Variants in GOLGA1 observed in about 807,000 individuals in gnomAD.
GOLGA1 encodes the protein golgin subfamily A member 1.
Under a neutral mutation model 119.7 loss-of-function variants are expected in GOLGA1, and 63 were observed. The observed-to-expected ratio is 0.53, with a 90% confidence interval of 0.43 to 0.65. The LOEUF (loss-of-function observed/expected upper bound fraction) is 0.65, where lower values mean the gene tolerates loss of function less well. GOLGA1 is among the 30% of genes least tolerant of loss of function. The pLI is 0.00. For missense variants in GOLGA1, 798 were observed against 912.8 expected (o/e 0.87, Z 1.62); for synonymous variants, 318 against 333.4 (o/e 0.95, Z 0.50).
At chr9:124,925,399 T>C (rs1196161197) in intron 7 of GOLGA1, among the ~76,000 whole-genome samples, 2 of 151,536 alleles carry the variant, frequency 1.3e-5, no homozygotes, top group Non-Finnish European at 2.9e-5. Flanking sequence ...CCTTGGGACT[T>C]GACTTTTCTA....
chr9:124,889,831 G>C (rs1408448569), intron 16 of GOLGA1, among the ~76,000 whole-genome samples: 1 of 152,188 alleles, frequency 6.6e-6, no homozygotes, highest in Non-Finnish European at 1.5e-5. Context: ...CATTTCCTGA[G>C]TGCCTGCAAC....
At chr9:124,899,863 T>G (rs1223285785) in intron 13 of GOLGA1, among the ~76,000 whole-genome samples, 1 of 152,204 alleles carries the variant, frequency 6.6e-6, no homozygotes, top group Non-Finnish European at 1.5e-5. Flanking sequence ...GAGAAAGATG[T>G]GGATTCTGCC....
chr9:124,889,603 C>T (rs1261438650), intron 16 of GOLGA1, 67 bp from the exon 17 acceptor site: 1 of 1,020,148 alleles, frequency 9.8e-7, no homozygotes, highest in Non-Finnish European at 1.6e-6. Context: ...CAGAAATCTC[C>T]ACTTCCCCGC....
rs752554273 is a variant in GOLGA1 at position 124,899,364 on chromosome 9, G to A, written c.1276C>T (p.Arg426Trp). Reference protein sequence around the residue: ...EAQIVALERTRAADQTTAEQG... With the variant: ...EAQIVALERTWAADQTTAEQG... Reference sequence around the variant, plus strand: ...TCTGCGGTGGTCTGGTCAGCTGCCCGCGTTCTCTCCAGGGCCACTATCTGG... The same window carrying A: ...TCTGCGGTGGTCTGGTCAGCTGCCCACGTTCTCTCCAGGGCCACTATCTGG... The change falls in exon 14 of 23, where the codon CGG becomes TGG. Residue 426 changes from arginine to tryptophan, a missense_variant. Arg to Trp is a moderately radical substitution (Grantham distance 101). Coordinates refer to ENST00000373555, the MANE Select transcript of GOLGA1 (RefSeq NM_002077.4). 22 of 1,549,482 alleles carry A rather than the reference G, an allele frequency of 1.4e-5. No individual in the cohort carries two copies. The highest frequency in any genetic ancestry group is 4.1e-5 in the African/African-American group (3 of 73,030).
chr9:124,891,420 A>G (rs925754098), intron 15 of GOLGA1, among the ~76,000 whole-genome samples: 1 of 152,248 alleles, frequency 6.6e-6, no homozygotes, highest in African/African-American at 2.4e-5. Context: ...ACTTCAAAAT[A>G]CATGAAGCAA....
intron 12 of GOLGA1, among the ~76,000 whole-genome samples, chr9:124,902,143 G>A (rs1400356786): frequency 7.2e-5 from 11 of 152,176 alleles, no homozygotes; most frequent in Admixed American, 5.9e-4. Context: ...ATGGAGTCTC[G>A]CTCTGTCGCC....
At chr9:124,909,665 T>C (rs541017307) in intron 11 of GOLGA1, among the ~76,000 whole-genome samples, 1 of 150,714 alleles carries the variant, frequency 6.6e-6, no homozygotes, top group South Asian at 2.1e-4. Context: ...GTTACTGAGA[T>C]AGTTGTTAAT....
intron 15 of GOLGA1, among the ~76,000 whole-genome samples, chr9:124,895,413 C>A (rs139500204): frequency 7.1e-6 from 1 of 140,888 alleles, no homozygotes; most frequent in Non-Finnish European, 1.5e-5. Flanking sequence ...ACAACAGAGA[C>A]GCTCCACAAC....
chr9:124,935,399 C>T (rs886767920), intron 3 of GOLGA1, among the ~76,000 whole-genome samples: 5 of 152,046 alleles, frequency 3.3e-5, no homozygotes, highest in African/African-American at 9.7e-5. Flanking sequence ...GCCATGTTGG[C>T]GCTCAAAAAG....
chr9:124,909,056 T>G (rs1384975929), intron 11 of GOLGA1, among the ~76,000 whole-genome samples: 1 of 152,174 alleles, frequency 6.6e-6, no homozygotes. Flanking sequence ...ACACCTGTAA[T>G]CCCAGAACTT....
chr9:124,882,394 C>T lies in GOLGA1; in HGVS notation c.1965+116G>A, dbSNP rs1588052443. The T allele has an allele frequency of 4.1e-6, 3 of 738,832 alleles. No individual in the cohort carries two copies. The East Asian group carries it at 7.9e-5, about 19-fold the overall frequency. 45.8% of individuals were successfully genotyped at this position (738,832 alleles called of 1,614,324 possible). A position where few individuals can be genotyped will look rare whatever the true frequency, so the allele number is the denominator to read the frequency against. On this transcript the variant is annotated intron_variant, in intron 20 of 22. Transcript: ENST00000373555. ...CGTTGGATTGCCCAGCGATCCCTTG[C>T]AATTAATTAGGGGGTGGAGGGAGCA...
In GOLGA1 at chr9:124,921,159, G is replaced by C. The variant is rs1830561795; in HGVS notation, c.813C>G (p.Leu271=). ...GCAAATCAATGGAAAGCTGCTGAAT[G>C]AGTGCTTGGAGCTCTTGTTCCTTTT... ...LEQKEQELQA[L]IQQLSIDLQK... The change falls in exon 10 of 23, where the codon CTC becomes CTG. Residue 271 remains leucine (L), a synonymous_variant. Transcript: ENST00000373555. The C allele has an allele frequency of 6.2e-7, 1 of 1,609,746 alleles. No homozygotes were observed. The highest frequency in any genetic ancestry group is 8.5e-7 in the Non-Finnish European group (1 of 1,175,972).
In GOLGA1 at chr9:124,931,342, A is replaced by T. The variant is rs774614732; in HGVS notation, c.200T>A (p.Ile67Lys). 3.8e-6 allele frequency: 6 copies of T among 1,583,782 alleles called. No homozygotes were observed. The highest frequency in any genetic ancestry group is 5.2e-6 in the Non-Finnish European group (6 of 1,152,604). ...AGAAAGTCTGGCCTCTAACTTCCGT[A>T]TCTGTTCATTCCTTCTCAGAAGCTG... ...SSQLLRRNEQIRKLEARLSDY... is the reference protein window; with the variant it reads ...SSQLLRRNEQKRKLEARLSDY... The change falls in exon 4 of 23, where the codon ATA becomes AAA. Residue 67 changes from isoleucine to lysine, a missense_variant. Physicochemically the swap from Ile to Lys is moderately radical, Grantham distance 102. Transcript: ENST00000373555.
rs1160096779 is a variant in GOLGA1 at position 124,923,142 on chromosome 9, C to T, written c.514G>A (p.Glu172Lys). Residue 172 changes from glutamate (E) to lysine (K), a missense_variant, in exon 8 of 23, where the codon GAA becomes AAA. Glu to Lys is a moderately conservative substitution (Grantham distance 56). Transcript: ENST00000373555. Reference sequence around the variant, plus strand: ...TCCTGCTGCTGGAACCCCTCTAATTCATCCATTTCATCTCTCCTTTGGAAA... The same window carrying T: ...TCCTGCTGCTGGAACCCCTCTAATTTATCCATTTCATCTCTCCTTTGGAAA... The part of the protein sequence containing the change: ...NLFQRRDEMD[E>K]LEGFQQQELS... The T allele has an allele frequency of 5.6e-6, 9 of 1,604,012 alleles. No individual in the cohort carries two copies. The highest frequency in any genetic ancestry group is 7.7e-6 in the Non-Finnish European group (9 of 1,171,770).
Position 124,885,442 on chromosome 9 carries a change from G to A in GOLGA1, c.1905+2811C>T, listed in dbSNP as rs374968151. ...AGAGGTCGCAGTGAGCCAAGATCAC[G>A]CCATTGCACTCCAGTCTGGGTGACA... On this transcript the variant is annotated intron_variant, in intron 19 of 22. Transcript: ENST00000373555. Among the ~76,000 whole-genome samples the A allele has an allele frequency of 1.3e-3, 193 of 148,686 alleles. 3 individuals are homozygous for A. The highest frequency in any genetic ancestry group is 4.4e-3 in the African/African-American group (178 of 40,194).
At chr9:124,942,180 T>C (rs2017506), upstream of GOLGA1, among the ~76,000 whole-genome samples, 1 of 151,972 alleles carries the variant, frequency 6.6e-6, no homozygotes, top group East Asian at 1.9e-4. Context: ...TGAGGCAGGA[T>C]AATCGCTTGA....
intron 16 of GOLGA1, among the ~76,000 whole-genome samples, 186 bp downstream of exon 16, chr9:124,890,203 A>G (rs559480943): frequency 1.3e-5 from 2 of 152,138 alleles, no homozygotes; most frequent in South Asian, 4.1e-4. Context: ...GAGTTTCTTT[A>G]TAACATTTGT....
intron 15 of GOLGA1, among the ~76,000 whole-genome samples, chr9:124,892,480 T>C (rs1829877945): frequency 1.3e-5 from 2 of 151,914 alleles, no homozygotes; most frequent in African/African-American, 4.8e-5. Flanking sequence ...TTCAAAATAT[T>C]ATAATTATTT....
chr9:124,916,007 CAGG>C (rs1028237051), intron 10 of GOLGA1, among the ~76,000 whole-genome samples: 24 of 148,008 alleles, frequency 1.6e-4, no homozygotes, highest in African/African-American at 6.0e-4. Flanking sequence ...GATGCTGAGG[CAGG>C]AGAATCACTT....
Sources: allele counts gnomAD v4.1 joint callset (sites outside exome capture counted in the v4.1 genomes callset), GRCh38; gene constraint gnomAD v4.1.1; transcripts MANE v1.5; gene names NCBI Gene and HGNC (gene_info 2026-07-23, HGNC 2026-07-21).